Variants in COL11A1 observed in about 807,000 individuals in gnomAD.
The protein encoded by COL11A1 is collagen type XI alpha 1 chain.
Under a neutral mutation model 265.2 loss-of-function variants are expected in COL11A1, and 74 were observed. The ratio of observed to expected loss-of-function variants is 0.28; its 90% confidence interval spans 0.23 to 0.34. The LOEUF (loss-of-function observed/expected upper bound fraction) is 0.34. Ranked by LOEUF, COL11A1 falls within the 10% of genes least tolerant of loss-of-function variation. The probability of loss-of-function intolerance (pLI) is 1.00; values close to 1 mark genes in which losing one functional copy is unlikely to be tolerated. For synonymous variants in COL11A1, 816 were observed against 727.6 expected (o/e 1.12, Z -1.96); for missense variants, 2,165 against 2,263.6 (o/e 0.96, Z 0.88).
At chr1:103,087,866 AAC>A (rs771465858) in intron 1 of COL11A1, among the ~76,000 whole-genome samples, 9 of 152,184 alleles carry the variant, frequency 5.9e-5, no homozygotes, top group Non-Finnish European at 1.2e-4. Context: ...TACACACACA[AAC>A]ACACAGAGAT....
intron 4 of COL11A1, among the ~76,000 whole-genome samples, chr1:103,063,109 T>C (rs992036445): frequency 6.6e-6 from 1 of 152,084 alleles, no homozygotes; most frequent in Non-Finnish European, 1.5e-5. Context: ...ATGGATAGAA[T>C]GACTCAATAC....
chr1:102,892,627 T>C (rs748054093), intron 57 of COL11A1, among the ~76,000 whole-genome samples: 21 of 152,212 alleles, frequency 1.4e-4, no homozygotes, highest in Non-Finnish European at 2.8e-4. Flanking sequence ...TATTCTTTAG[T>C]TTCTGAAGCC....
At chr1:102,974,803 A>G in intron 36 of COL11A1, 27 bp downstream of exon 36, 1 of 1,581,044 alleles carries the variant, frequency 6.3e-7, no homozygotes, top group Non-Finnish European at 8.7e-7. Context: ...CAAATGAAGA[A>G]AGAGAAAGAG....
chr1:102,987,762 T>C, intron 29 of COL11A1, 22 bp from the exon 30 acceptor site: 1 of 1,551,918 alleles, frequency 6.4e-7, no homozygotes. Context: ...AATAACAACA[T>C]TCTTATGAGT....
At chr1:102,970,870 C>G (rs1195872517) in intron 36 of COL11A1, among the ~76,000 whole-genome samples, 1 of 151,912 alleles carries the variant, frequency 6.6e-6, no homozygotes, top group African/African-American at 2.4e-5. Flanking sequence ...AAAAAGTAGC[C>G]GGGCGTGGTG....
At chr1:102,941,093 T>C (rs1202787579) in intron 42 of COL11A1, among the ~76,000 whole-genome samples, 1 of 152,206 alleles carries the variant, frequency 6.6e-6, no homozygotes, top group Non-Finnish European at 1.5e-5. Context: ...TCAGAGGTCC[T>C]TTCTGTCCTT....
At chr1:102,937,059 A>T (rs1658221572) in intron 44 of COL11A1, among the ~76,000 whole-genome samples, 1 of 152,154 alleles carries the variant, frequency 6.6e-6, no homozygotes, top group African/African-American at 2.4e-5. Context: ...GGGACTATAT[A>T]TTTTTATTTG....
intron 52 of COL11A1, 126 bp downstream of exon 52, chr1:102,914,226 T>A: frequency 1.3e-6 from 1 of 779,414 alleles, no homozygotes; most frequent in Non-Finnish European, 2.1e-6. Flanking sequence ...TTACTTTTTA[T>A]GTTTTCTTTT....
At position 103,026,342 on chromosome 1, in the gene COL11A1, A is replaced by G. The variant is rs530565995; in HGVS notation, c.781-10T>C. On this transcript the variant is annotated splice_polypyrimidine_tract_variant and intron_variant, in intron 5 of 66. Transcript: ENST00000370096. ...TATCCTCTGGTGCATACTACATTGCAAAGGAAAAAATATCAGGCAATTGTG... is the reference window on the plus strand; with the variant it reads ...TATCCTCTGGTGCATACTACATTGCGAAGGAAAAAATATCAGGCAATTGTG... 7.6e-6 allele frequency: 12 copies of G among 1,575,012 alleles called. No homozygotes were observed. In the African/African-American group the frequency reaches 1.6e-4, roughly 21 times the overall value.
intron 1 of COL11A1, among the ~76,000 whole-genome samples, chr1:103,106,952 T>C (rs1233088918): frequency 1.3e-5 from 2 of 152,246 alleles, no homozygotes; most frequent in Admixed American, 6.5e-5. Flanking sequence ...ACCTCGTCAG[T>C]CACCCTCCTT....
At chr1:103,009,408 C>G (rs1665919366) in intron 14 of COL11A1, among the ~76,000 whole-genome samples, 1 of 151,928 alleles carries the variant, frequency 6.6e-6, no homozygotes, top group African/African-American at 2.4e-5. Flanking sequence ...GAGCAAAACT[C>G]CATCTCAAAA....
At chr1:102,920,703 C>A (rs1001685150) in intron 48 of COL11A1, among the ~76,000 whole-genome samples, 1 of 152,092 alleles carries the variant, frequency 6.6e-6, no homozygotes, top group Non-Finnish European at 1.5e-5. Context: ...AAAATTATGA[C>A]ACTGGTTAAG....
chr1:103,017,749 T>C, intron 11 of COL11A1, 71 bp downstream of exon 11: 1 of 1,309,744 alleles, frequency 7.6e-7, no homozygotes, highest in Non-Finnish European at 1.1e-6. Flanking sequence ...GTTATACTTG[T>C]AGAATACATT....
rs931384782 is a variant in COL11A1, at chr1:103,074,672, A to G, written c.597T>C (p.Asp199=). 1.2e-6 allele frequency: 2 copies of G among 1,613,378 alleles called. No homozygotes were observed. The highest frequency in any genetic ancestry group is 1.7e-6 in the Non-Finnish European group (2 of 1,179,622). The change falls in exon 4 of 67, where the codon GAT becomes GAC. Residue 199 remains aspartate (D), a synonymous_variant. Coordinates refer to ENST00000370096, the MANE Select transcript of COL11A1 (RefSeq NM_001854.4). ...PLDRSERAIV[D]TNGITVFGTR... ...TTCCAAAAACCGTGATTCCATTGGT[A>G]TCAACAATTGCTCTCTCACTTCTAT...
At chr1:102,883,090 G>A in intron 64 of COL11A1, 109 bp downstream of exon 64, 1 of 783,396 alleles carries the variant, frequency 1.3e-6, no homozygotes, top group East Asian at 2.6e-5. Context: ...TATTTTGTAA[G>A]AAAAGCAGAT....
intron 1 of COL11A1, 120 bp from the exon 2 acceptor site, chr1:103,083,092 G>A (rs928200170): frequency 7.3e-6 from 7 of 961,720 alleles, no homozygotes; most frequent in African/African-American, 5.0e-5. Flanking sequence ...CACTTGCCAT[G>A]CTTCCCTAAC....
intron 41 of COL11A1, among the ~76,000 whole-genome samples, chr1:102,953,894 A>G (rs1027293627): frequency 6.6e-6 from 1 of 152,196 alleles, no homozygotes; most frequent in Non-Finnish European, 1.5e-5. Flanking sequence ...CTTAGCTAGA[A>G]AGAACTCAAA....
intron 17 of COL11A1, 84 bp downstream of exon 17, chr1:103,005,984 A>G (rs190682037): frequency 6.3e-5 from 101 of 1,611,446 alleles, no homozygotes; most frequent in Non-Finnish European, 8.0e-5. Flanking sequence ...ATTCTCTCAG[A>G]TTCAGAAAAT....
At chr1:103,048,651 T>C (rs1205226356) in intron 4 of COL11A1, among the ~76,000 whole-genome samples, 5 of 152,202 alleles carry the variant, frequency 3.3e-5, no homozygotes, top group East Asian at 1.9e-4. Context: ...CTTTTGAATG[T>C]GTTTGCTCTT....
Sources: allele counts gnomAD v4.1 joint callset (sites outside exome capture counted in the v4.1 genomes callset), GRCh38; gene constraint gnomAD v4.1.1; transcripts MANE v1.5; gene names NCBI Gene and HGNC (gene_info 2026-07-23, HGNC 2026-07-21).